UBE2E2: variants seen among roughly 807,000 people sequenced by gnomAD.
UBE2E2 encodes ubiquitin-conjugating enzyme E2 E2.
Under a neutral mutation model 24.7 loss-of-function variants are expected in UBE2E2, and 6 were observed. That is an observed-to-expected ratio of 0.24 (90% CI 0.13 to 0.48). The LOEUF is 0.48. Among genes scored for constraint, UBE2E2 ranks in the 20% least tolerant of loss-of-function variants. The pLI, the probability that UBE2E2 is intolerant of heterozygous loss-of-function variation, is 0.99. For synonymous variants in UBE2E2, 104 were observed against 83.6 expected, an observed-to-expected ratio of 1.24 and a Z score of -1.33; for missense variants, 169 against 245.0, an observed-to-expected ratio of 0.69 and a Z score of 2.07.
chr3:23,246,780 G>A (rs1229747718), intron 3 of UBE2E2, among the ~76,000 whole-genome samples: 2 of 152,178 alleles, frequency 1.3e-5, no homozygotes, highest in African/African-American at 2.4e-5. Flanking sequence ...TGGAATATGT[G>A]TGTCTTCCCC....
At chr3:23,365,070 A>G (rs943054118) in intron 3 of UBE2E2, among the ~76,000 whole-genome samples, 1 of 152,240 alleles carries the variant, frequency 6.6e-6, no homozygotes, top group African/African-American at 2.4e-5. Context: ...ATAAAATTCA[A>G]TATCCCTTCA....
Position 23,407,086 on chromosome 3 carries a change from T to A in UBE2E2, c.228-92522T>A, listed in dbSNP as rs1427457782. Among the ~76,000 whole-genome samples the A allele has an allele frequency of 1.3e-5, 2 of 152,144 alleles. No homozygotes were observed. The highest frequency in any genetic ancestry group is 2.9e-5 in the Non-Finnish European group (2 of 68,020). On this transcript the variant is annotated intron_variant, in intron 3 of 5. Transcript: ENST00000396703. The surrounding 1 kb of genome is among the most constrained non-coding windows in gnomAD (Gnocchi z 4.0). The stretch of plus-strand genomic sequence containing the variant: ...TTCCCCAAGTATTTTGGAGACAAAT[T>A]TTTCTTCAGCTTCACATGTTGAAGA...
chr3:23,403,603 C>T (rs779601573), intron 3 of UBE2E2, among the ~76,000 whole-genome samples: 1 of 151,998 alleles, frequency 6.6e-6, no homozygotes, highest in Non-Finnish European at 1.5e-5. Flanking sequence ...AGTGGATCAC[C>T]CAAGGTCAGG....
chr3:23,223,149 A>G (rs1260158425), intron 3 of UBE2E2, among the ~76,000 whole-genome samples: 1 of 148,384 alleles, frequency 6.7e-6, no homozygotes, highest in Non-Finnish European at 1.5e-5. Flanking sequence ...CCTCCTGAGT[A>G]GCTGAGACTA....
intron 3 of UBE2E2, among the ~76,000 whole-genome samples, chr3:23,352,802 G>A (rs1298454404): frequency 6.6e-6 from 1 of 152,084 alleles, no homozygotes; most frequent in Non-Finnish European, 1.5e-5. Flanking sequence ...TTCTACCAGA[G>A]GTACAAGGAG....
intron 3 of UBE2E2, among the ~76,000 whole-genome samples, chr3:23,305,019 A>G (rs1699203178): frequency 6.6e-6 from 1 of 152,210 alleles, no homozygotes; most frequent in African/African-American, 2.4e-5. Flanking sequence ...GTGATATCAA[A>G]AAGTATCATT....
At chr3:23,351,863 T>C (rs1695765071) in intron 3 of UBE2E2, among the ~76,000 whole-genome samples, 1 of 152,162 alleles carries the variant, frequency 6.6e-6, no homozygotes, top group African/African-American at 2.4e-5. Context: ...GGAATTGAAC[T>C]CAGCTCTGCA....
At position 23,297,186 on chromosome 3, in the gene UBE2E2, A is replaced by T. The variant is rs1030720118; in HGVS notation, c.227+79874A>T. Among the ~76,000 whole-genome samples, 40 of 151,684 alleles carry T rather than the reference A, an allele frequency of 2.6e-4. 2 individuals carry two copies. Among genetic ancestry groups the T allele is most frequent in the East Asian group, 1.6e-3 (8 of 5,156 alleles). ...TTTTTTTCTTGTAAATTTGTTTGAGATCATTGTAGATTCTGGATATTAGCC... is the reference window on the plus strand; with the variant it reads ...TTTTTTTCTTGTAAATTTGTTTGAGTTCATTGTAGATTCTGGATATTAGCC... On this transcript the variant is annotated intron_variant, in intron 3 of 5. Coordinates refer to ENST00000396703, the MANE Select transcript of UBE2E2 (RefSeq NM_152653.4).
chr3:23,475,535 A>G (rs1699110348), intron 3 of UBE2E2, among the ~76,000 whole-genome samples: 1 of 152,028 alleles, frequency 6.6e-6, no homozygotes, highest in African/African-American at 2.4e-5. Context: ...TATCAGGGTG[A>G]TCTTTTTCAT....
At chr3:23,539,169 C>T (rs1695331689) in intron 5 of UBE2E2, among the ~76,000 whole-genome samples, 1 of 152,114 alleles carries the variant, frequency 6.6e-6, no homozygotes, top group Non-Finnish European at 1.5e-5. Flanking sequence ...TCCTATTTAG[C>T]CCATGGTATT....
At chr3:23,264,349 TA>T (rs1354177385) in intron 3 of UBE2E2, among the ~76,000 whole-genome samples, 4 of 86,882 alleles carry the variant, frequency 4.6e-5, no homozygotes, top group African/African-American at 1.8e-4. Context: ...AAATAAAAAA[TA>T]AAAAACAAAA....
intron 3 of UBE2E2, among the ~76,000 whole-genome samples, chr3:23,447,294 G>T (rs929258908): frequency 2.6e-5 from 4 of 152,146 alleles, no homozygotes; most frequent in African/African-American, 9.7e-5. Flanking sequence ...AGTTAGATGG[G>T]TGAAAGGAAG....
At chr3:23,582,671 A>G (rs764724635) in intron 5 of UBE2E2, among the ~76,000 whole-genome samples, 6 of 151,864 alleles carry the variant, frequency 4.0e-5, no homozygotes, top group African/African-American at 1.5e-4. Context: ...ATTTTTTCCT[A>G]TGCTTGTTGG....
intron 3 of UBE2E2, among the ~76,000 whole-genome samples, chr3:23,402,411 G>A (rs1253553981): frequency 6.6e-6 from 1 of 152,110 alleles, no homozygotes; most frequent in Non-Finnish European, 1.5e-5. Flanking sequence ...TGGCCAGAAT[G>A]GTTTCAAAGT....
intron 3 of UBE2E2, among the ~76,000 whole-genome samples, chr3:23,303,371 A>G (rs1699154515): frequency 6.6e-6 from 1 of 151,896 alleles, no homozygotes; most frequent in African/African-American, 2.4e-5. Context: ...ACTCCCCTCA[A>G]CCCGGGTGTG....
chr3:23,397,845 A>G (rs761123783), intron 3 of UBE2E2, among the ~76,000 whole-genome samples: 1 of 152,028 alleles, frequency 6.6e-6, no homozygotes, highest in Non-Finnish European at 1.5e-5. Flanking sequence ...TTTCATTCTC[A>G]GACATTGTTA....
chr3:23,276,278 C>G (rs892777270), intron 3 of UBE2E2, among the ~76,000 whole-genome samples: 1 of 151,462 alleles, frequency 6.6e-6, no homozygotes, highest in Non-Finnish European at 1.5e-5. Flanking sequence ...GGAAAAAATA[C>G]ACTTCATTTA....
intron 4 of UBE2E2, among the ~76,000 whole-genome samples, chr3:23,508,524 C>T (rs1486425104): frequency 1.3e-5 from 2 of 152,126 alleles, no homozygotes; most frequent in Non-Finnish European, 2.9e-5. Context: ...TCCTGAGATG[C>T]TTATTGCTCA....
chr3:23,269,371 G>T lies in UBE2E2; in HGVS notation c.227+52059G>T, dbSNP rs1041209303. On this transcript the variant is annotated intron_variant, in intron 3 of 5. Transcript: ENST00000396703. ...AATTTACAAGAGAAAAAACAAACCCGCTTGGAGTTGGCGTGTAGCGTTAAA... is the reference window on the plus strand; with the variant it reads ...AATTTACAAGAGAAAAAACAAACCCTCTTGGAGTTGGCGTGTAGCGTTAAA... 2.6e-5 allele frequency among the ~76,000 whole-genome samples: 4 copies of T among 152,222 alleles called. No individual in the cohort carries two copies. In the East Asian group the frequency reaches 7.7e-4, roughly 29 times the overall value.
Sources: gnomAD v4.1 joint callset for allele counts (sites outside exome capture counted in the v4.1 genomes callset) on GRCh38, gnomAD v4.1.1 for gene constraint, Gnocchi (gnomAD v3.1) non-coding constraint, MANE v1.5 for transcripts, NCBI Gene and HGNC (gene_info 2026-07-23, HGNC 2026-07-21) for gene names.